The following CDH4 variants were observed in gnomAD, a reference collection of about 807,000 sequenced individuals.
CDH4 encodes the protein cadherin 4.
In CDH4, 33 loss-of-function variants were observed where a neutral mutation model predicts 86.0. The ratio of observed to expected loss-of-function variants is 0.38; its 90% CI spans 0.29 to 0.51. The LOEUF (loss-of-function observed/expected upper bound fraction) is 0.51. Ranked by LOEUF, CDH4 falls within the 20% of genes least tolerant of loss-of-function variation. The probability of loss-of-function intolerance (pLI) is 0.86; values close to 1 mark genes in which losing one functional copy is unlikely to be tolerated. For synonymous variants in CDH4, 555 were observed against 549.4 expected (o/e 1.01, Z -0.14); for missense variants, 1,114 against 1,307.4 (o/e 0.85, Z 2.28).
chr20:61,607,091 C>T (rs547683905), intron 2 of CDH4, among the ~76,000 whole-genome samples: 2 of 152,300 alleles, frequency 1.3e-5, no homozygotes, highest in South Asian at 2.1e-4. Context: ...ACACCATCAC[C>T]GTTCTAACCT....
At chr20:61,578,191 C>A (rs942013366) in intron 2 of CDH4, among the ~76,000 whole-genome samples, 3 of 152,212 alleles carry the variant, frequency 2.0e-5, no homozygotes, top group Non-Finnish European at 4.4e-5. Flanking sequence ...ATGATCCACC[C>A]CTGTTGGTGA....
intron 2 of CDH4, among the ~76,000 whole-genome samples, chr20:61,726,825 CACCATCACTGCCATCATCACCATCACT>C (rs1833345379): frequency 6.8e-5 from 1 of 14,706 alleles, no homozygotes; most frequent in African/African-American, 1.2e-3. Context: ...CTGCCATCAT[CACCATCACTGCCATCATCACCATCACT>C]GCCATCATCA....
chr20:61,305,029 G>T (rs997230609), intron 2 of CDH4, among the ~76,000 whole-genome samples: 1 of 151,706 alleles, frequency 6.6e-6, no homozygotes, highest in Non-Finnish European at 1.5e-5. Flanking sequence ...CATGTGTGTT[G>T]TATGTGTGTG....
At chr20:61,869,186 C>A (rs912780579) in intron 6 of CDH4, among the ~76,000 whole-genome samples, 12 of 152,222 alleles carry the variant, frequency 7.9e-5, no homozygotes, top group African/African-American at 2.9e-4. Context: ...TAGAAGTTGG[C>A]AACCCTATAT....
At chr20:61,918,719 C>T (rs1010636954) in intron 9 of CDH4, among the ~76,000 whole-genome samples, 15 of 152,066 alleles carry the variant, frequency 9.9e-5, no homozygotes, top group African/African-American at 2.7e-4. Context: ...GCAGTGACTG[C>T]GTGTCACCCC....
rs139216556 is a variant in CDH4, at chr20:61,263,371, T to G, written c.169+8434T>G. ...AACAAACCAACCAAAAATCCCTATT[T>G]AATTATCTTTGACCCAGTATGTGCT... is the stretch of plus-strand genomic sequence containing the variant. On this transcript the variant is annotated intron_variant, in intron 2 of 15. Transcript: ENST00000614565. 3.5e-3 allele frequency among the ~76,000 whole-genome samples: 531 copies of G among 152,312 alleles called. 5 individuals are homozygous for G. The highest frequency in any genetic ancestry group is 0.012 in the African/African-American group (486 of 41,574).
At chr20:61,608,518 A>C (rs2086661591) in intron 2 of CDH4, among the ~76,000 whole-genome samples, 3 of 152,178 alleles carry the variant, frequency 2.0e-5, no homozygotes, top group African/African-American at 4.8e-5. Flanking sequence ...GTGATGGACG[A>C]TTCTGCCCCA....
Position 61,524,939 on chromosome 20 carries a change from A to G in CDH4, c.170-218624A>G, listed in dbSNP as rs2085899611. ...GAAGTGACCACTCCTCACCCTGTCCACCTCCAACATCTTTCATTTAAAAAA... is the reference window on the plus strand; with the variant it reads ...GAAGTGACCACTCCTCACCCTGTCCGCCTCCAACATCTTTCATTTAAAAAA... On this transcript the variant is annotated intron_variant, in intron 2 of 15. Transcript: ENST00000614565. 2.0e-5 allele frequency among the ~76,000 whole-genome samples: 3 copies of G among 152,210 alleles called. No homozygotes were observed. The South Asian group carries it at 6.2e-4, about 32-fold the overall frequency.
Position 61,542,822 on chromosome 20 carries a change from C to T in CDH4, c.170-200741C>T, listed in dbSNP as rs371570237. Among the ~76,000 whole-genome samples, 11 of 152,136 alleles carry T rather than the reference C, an allele frequency of 7.2e-5. No individual in the cohort carries two copies. In the East Asian group the frequency reaches 9.6e-4, roughly 13 times the overall value. On this transcript the variant is annotated intron_variant, in intron 2 of 15. Coordinates refer to ENST00000614565, the MANE Select transcript of CDH4 (RefSeq NM_001794.5). ...AGGGGAGTTTATTAGGAGAATTGACCCTCAGGATCACAAGGTGAAGTCCCT... is the reference window on the plus strand; with the variant it reads ...AGGGGAGTTTATTAGGAGAATTGACTCTCAGGATCACAAGGTGAAGTCCCT...
intron 2 of CDH4, among the ~76,000 whole-genome samples, chr20:61,310,495 G>A (rs542495701): frequency 3.5e-4 from 54 of 152,240 alleles, no homozygotes; most frequent in African/African-American, 1.2e-3. Context: ...TCCCATGCGC[G>A]GTTCACAGTA....
intron 8 of CDH4, among the ~76,000 whole-genome samples, chr20:61,900,112 G>GT (rs368820238): frequency 2.6e-5 from 4 of 152,298 alleles, no homozygotes; most frequent in African/African-American, 9.6e-5. Flanking sequence ...AGCCTCAGCG[G>GT]GGGGGACTGG....
Position 61,810,352 on chromosome 20 carries a change from A to G in CDH4, c.577-34316A>G, listed in dbSNP as rs372970762. ...CATGAGCCTGCTGTGTGTGTCTGTG[A>G]CAGAGTTCCTTGTGCCATTACCAGG... is the stretch of plus-strand genomic sequence containing the variant. On this transcript the variant is annotated intron_variant, in intron 4 of 15. Coordinates refer to ENST00000614565, the MANE Select transcript of CDH4 (RefSeq NM_001794.5). This position sits in a 1 kb window ranked among gnomAD's most constrained non-coding sequence, Gnocchi z 4.3. Among the ~76,000 whole-genome samples the G allele has an allele frequency of 3.3e-5, 5 of 152,320 alleles. No individual in the cohort carries two copies. In the South Asian group the frequency reaches 6.2e-4, roughly 19 times the overall value.
At chr20:61,654,523 T>G (rs115680873) in intron 2 of CDH4, among the ~76,000 whole-genome samples, 2,730 of 152,346 alleles carry the variant, frequency 0.018, 33 homozygotes, top group African/African-American at 0.032. Flanking sequence ...TGAGAAGCAA[T>G]ATAATCTTCA....
chr20:61,325,992 T>C lies in CDH4; in HGVS notation c.169+71055T>C, dbSNP rs6101312. Among the ~76,000 whole-genome samples the C allele has an allele frequency of 4.6e-3, 707 of 152,304 alleles. 11 individuals are homozygous for C. The highest frequency in any genetic ancestry group is 0.016 in the African/African-American group (679 of 41,560). ...TGGTGGCGGTACCGGTTCAAACCCATCAGGAAGTGAGGAGCTGCCTGTCCT... is the reference window on the plus strand; with the variant it reads ...TGGTGGCGGTACCGGTTCAAACCCACCAGGAAGTGAGGAGCTGCCTGTCCT... On this transcript the variant is annotated intron_variant, in intron 2 of 15. Coordinates refer to ENST00000614565, the MANE Select transcript of CDH4 (RefSeq NM_001794.5).
chr20:61,751,995 A>C (rs975004510), intron 3 of CDH4, among the ~76,000 whole-genome samples: 2 of 152,236 alleles, frequency 1.3e-5, no homozygotes, highest in African/African-American at 4.8e-5. Context: ...ATGGCACGTG[A>C]AGCGTGAAAC....
intron 2 of CDH4, among the ~76,000 whole-genome samples, chr20:61,474,860 T>C (rs1481856405): frequency 2.6e-5 from 4 of 152,210 alleles, no homozygotes; most frequent in Non-Finnish European, 5.9e-5. Flanking sequence ...TGAGATTTTA[T>C]AGCATTATTG....
At chr20:61,827,034 A>C (rs1490711269) in intron 4 of CDH4, among the ~76,000 whole-genome samples, 1 of 152,080 alleles carries the variant, frequency 6.6e-6, no homozygotes, top group Non-Finnish European at 1.5e-5. Flanking sequence ...TTGTAAAAAA[A>C]GATACAATAA....
chr20:61,511,218 C>T (rs1195073208), intron 2 of CDH4, among the ~76,000 whole-genome samples: 7 of 152,232 alleles, frequency 4.6e-5, no homozygotes, highest in East Asian at 1.9e-4. Context: ...GCAGGCCTTG[C>T]CTTTTGGAAT....
At chr20:61,836,073 T>C (rs1385040681) in intron 4 of CDH4, among the ~76,000 whole-genome samples, 1 of 152,216 alleles carries the variant, frequency 6.6e-6, no homozygotes, top group African/African-American at 2.4e-5. Context: ...CCATCTGTGT[T>C]TCCACACTGG....
Sources: allele counts gnomAD v4.1 joint callset (sites outside exome capture counted in the v4.1 genomes callset), GRCh38; gene constraint gnomAD v4.1.1; non-coding constraint Gnocchi (gnomAD v3.1); transcripts MANE v1.5; gene names NCBI Gene and HGNC (gene_info 2026-07-23, HGNC 2026-07-21).